The following FCHO2 variants were observed in gnomAD, a reference collection of about 807,000 sequenced individuals.
The protein encoded by FCHO2 is F-BAR domain only protein 2.
A neutral mutation model predicts 114.1 loss-of-function variants in FCHO2; 43 were observed. The ratio of observed to expected loss-of-function variants is 0.38; its 90% CI spans 0.30 to 0.49. FCHO2 has a LOEUF of 0.49. Ranked by LOEUF, FCHO2 falls within the 20% of genes least tolerant of loss-of-function variation. FCHO2 has a pLI of 0.97. For synonymous variants in FCHO2, 293 were observed against 315.2 expected, an observed-to-expected ratio of 0.93 and a Z score of 0.75; for missense variants, 807 against 950.4, an observed-to-expected ratio of 0.85 and a Z score of 1.98.
chr5:73,084,637 A>G (rs1561499976), intron 24 of FCHO2, among the ~76,000 whole-genome samples: 1 of 152,188 alleles, frequency 6.6e-6, no homozygotes, highest in Non-Finnish European at 1.5e-5. Flanking sequence ...TTCTTTTTGA[A>G]TATTTTGAGC....
intron 22 of FCHO2, among the ~76,000 whole-genome samples, chr5:73,079,078 T>G (rs531441917): frequency 3.3e-4 from 51 of 152,284 alleles, no homozygotes; most frequent in African/African-American, 1.1e-3. Context: ...TCTAGAAGAA[T>G]AAAGCTTACA....
chr5:72,991,343 C>A (rs1753800184), intron 5 of FCHO2, among the ~76,000 whole-genome samples: 1 of 152,192 alleles, frequency 6.6e-6, no homozygotes, highest in Non-Finnish European at 1.5e-5. Flanking sequence ...GGATTACAGG[C>A]ATGAGCCACT....
At chr5:73,072,899 A>C (rs1219808801) in intron 19 of FCHO2, among the ~76,000 whole-genome samples, 1 of 152,030 alleles carries the variant, frequency 6.6e-6, no homozygotes, top group Non-Finnish European at 1.5e-5. Context: ...TGTTAAGTTT[A>C]TTTTACTACA....
rs913676668 is a variant in FCHO2 at position 73,089,634 on chromosome 5, G to A, written c.*1544G>A. 6.6e-6 allele frequency: 1 copy of A among 152,390 alleles called. No homozygotes were observed. The highest frequency in any genetic ancestry group is 2.4e-5 in the African/African-American group (1 of 41,400). 9.4% of individuals were successfully genotyped at this position (152,390 alleles called of 1,614,324 possible). On this transcript the variant is annotated 3_prime_UTR_variant, in exon 26 of 26. Coordinates refer to ENST00000430046, the MANE Select transcript of FCHO2 (RefSeq NM_138782.3). ...ATTTCATTTATAATAATAAATATGA[G>A]TGTCCTTTATTTGCCTAGTAGAAGT...
intron 5 of FCHO2, among the ~76,000 whole-genome samples, chr5:72,994,506 A>G (rs752468731): frequency 5.9e-5 from 9 of 152,214 alleles, no homozygotes; most frequent in Non-Finnish European, 1.0e-4. Context: ...TTGTGGAGAA[A>G]AGGGAATGCT....
intron 5 of FCHO2, among the ~76,000 whole-genome samples, chr5:72,996,467 G>A (rs1482167624): frequency 6.6e-6 from 1 of 152,060 alleles, no homozygotes; most frequent in African/African-American, 2.4e-5. Context: ...AGAATTTGAT[G>A]CCTTTTATAT....
At chr5:73,064,135 C>T (rs1314794436) in intron 18 of FCHO2, among the ~76,000 whole-genome samples, 191 bp downstream of exon 18, 1 of 151,994 alleles carries the variant, frequency 6.6e-6, no homozygotes, top group Non-Finnish European at 1.5e-5. Context: ...CTGTGAGACA[C>T]GACATTGTCC....
At position 73,027,085 on chromosome 5, in the gene FCHO2, A is replaced by G. The variant is rs543981637; in HGVS notation, c.797-7572A>G. 4.1e-5 allele frequency among the ~76,000 whole-genome samples: 6 copies of G among 144,884 alleles called. No individual in the cohort carries two copies. The East Asian group carries it at 1.2e-3, about 29-fold the overall frequency. On this transcript the variant is annotated intron_variant, in intron 8 of 25. Coordinates refer to ENST00000430046, the MANE Select transcript of FCHO2 (RefSeq NM_138782.3). ...CTGGAATTTGAGTCACTGTAAGAGGATGCTTTGAATATTAAGGCACCTGTG... is the reference window on the plus strand; with the variant it reads ...CTGGAATTTGAGTCACTGTAAGAGGGTGCTTTGAATATTAAGGCACCTGTG...
intron 9 of FCHO2, among the ~76,000 whole-genome samples, chr5:73,036,027 G>A (rs1193239679): frequency 6.7e-6 from 1 of 150,302 alleles, no homozygotes; most frequent in African/African-American, 2.5e-5. Context: ...TGTGTTTTTA[G>A]TAGAAACGGG....
chr5:72,997,148 G>A, intron 5 of FCHO2: 2 of 1,113,542 alleles, frequency 1.8e-6, no homozygotes, highest in South Asian at 1.2e-5. Context: ...CCATGATGGG[G>A]TCCTGAGGCT....
chr5:73,065,834 T>TC (rs1742291817), intron 18 of FCHO2, among the ~76,000 whole-genome samples: 4 of 151,968 alleles, frequency 2.6e-5, no homozygotes, highest in Admixed American at 2.0e-4. Flanking sequence ...GGTGTACCCA[T>TC]TAACTGAGTA....
At chr5:73,009,463 G>A (rs1394814895) in intron 6 of FCHO2, among the ~76,000 whole-genome samples, 1 of 152,118 alleles carries the variant, frequency 6.6e-6, no homozygotes, top group South Asian at 2.1e-4. Context: ...TCCTTTTCAT[G>A]TTCTGCTTCC....
At chr5:72,991,035 A>T (rs1753782439) in intron 5 of FCHO2, among the ~76,000 whole-genome samples, 171 bp downstream of exon 5, 1 of 152,156 alleles carries the variant, frequency 6.6e-6, no homozygotes, top group Non-Finnish European at 1.5e-5. Flanking sequence ...AAAGTATGTT[A>T]TCTGTGGTAA....
At chr5:73,044,158 C>T (rs879919858) in intron 11 of FCHO2, among the ~76,000 whole-genome samples, 21 of 152,178 alleles carry the variant, frequency 1.4e-4, no homozygotes, top group African/African-American at 3.6e-4. Flanking sequence ...CCTGAGGCCT[C>T]CCTAGCCATG....
chr5:72,986,740 G>A (rs1228746200), intron 2 of FCHO2, among the ~76,000 whole-genome samples: 2 of 152,000 alleles, frequency 1.3e-5, no homozygotes, highest in Admixed American at 6.6e-5. Context: ...TGGAGTATTT[G>A]CATATACATA....
At chr5:72,968,376 A>C (rs1752322819) in intron 1 of FCHO2, 122 bp from the exon 2 acceptor site, 8 of 623,890 alleles carry the variant, frequency 1.3e-5, no homozygotes, top group African/African-American at 3.8e-5. Flanking sequence ...AATAAATGAG[A>C]AAAATTTATG....
intron 16 of FCHO2, among the ~76,000 whole-genome samples, chr5:73,058,017 T>A (rs567912116): frequency 4.2e-4 from 64 of 152,166 alleles, no homozygotes; most frequent in African/African-American, 1.2e-3. Flanking sequence ...TTAAAAAAAA[T>A]TATTTTTTTT....
At chr5:73,015,851 T>G in intron 7 of FCHO2, 127 bp downstream of exon 7, 1 of 466,518 alleles carries the variant, frequency 2.1e-6, no homozygotes, top group Non-Finnish European at 3.7e-6. Context: ...ATAAAGAATA[T>G]GTAAAGATAA....
At chr5:73,004,350 T>C (rs1241822220) in intron 5 of FCHO2, among the ~76,000 whole-genome samples, 1 of 152,144 alleles carries the variant, frequency 6.6e-6, no homozygotes, top group African/African-American at 2.4e-5. Flanking sequence ...TAAAATAATG[T>C]CAGCTGTGTG....
Sources: allele counts gnomAD v4.1 joint callset (sites outside exome capture counted in the v4.1 genomes callset), GRCh38; gene constraint gnomAD v4.1.1; transcripts MANE v1.5; gene names NCBI Gene and HGNC (gene_info 2026-07-23, HGNC 2026-07-21).